TPGS2: variants seen among roughly 807,000 people sequenced by gnomAD.
The protein encoded by TPGS2 is polyglutamylase subunit 2.
Under a neutral mutation model 31.1 loss-of-function variants are expected in TPGS2, and 26 were observed. That is an observed-to-expected ratio of 0.84 (90% CI 0.61 to 1.16). The LOEUF (loss-of-function observed/expected upper bound fraction) is 1.16. Ranked by LOEUF, TPGS2 falls within the 50% of genes most tolerant of loss-of-function variation. TPGS2 has a pLI of 0.00. For synonymous variants in TPGS2, 130 were observed against 136.6 expected (o/e 0.95, Z 0.34); for missense variants, 351 against 363.8 (o/e 0.96, Z 0.29).
At chr18:36,820,112 G>T (rs2045831707) in intron 1 of TPGS2, among the ~76,000 whole-genome samples, 1 of 152,134 alleles carries the variant, frequency 6.6e-6, no homozygotes, top group East Asian at 1.9e-4. Context: ...CTCAAATCTT[G>T]GGATGCAGCA....
At chr18:36,805,642 G>C (rs1721490885) in intron 3 of TPGS2, 140 bp from the exon 4 acceptor site, 1 of 1,215,248 alleles carries the variant, frequency 8.2e-7, no homozygotes, top group South Asian at 1.4e-5. Flanking sequence ...GTGGGAAGAA[G>C]AGGATTACTC....
downstream of TPGS2, among the ~76,000 whole-genome samples, chr18:36,790,313 C>G (rs1021654862): frequency 6.6e-6 from 1 of 152,212 alleles, no homozygotes; most frequent in Non-Finnish European, 1.5e-5. Context: ...TTCACTACTG[C>G]TCTTCACCCT....
chr18:36,827,029 G>A (rs1222868711), intron 1 of TPGS2, among the ~76,000 whole-genome samples: 1 of 151,784 alleles, frequency 6.6e-6, no homozygotes, highest in Non-Finnish European at 1.5e-5. Context: ...TATATTAATT[G>A]ATTTTTTTTA....
chr18:36,821,284 G>C (rs1458055820), intron 1 of TPGS2, among the ~76,000 whole-genome samples: 1 of 152,126 alleles, frequency 6.6e-6, no homozygotes, highest in Admixed American at 6.5e-5. Context: ...AAGTACTGAG[G>C]GGGGCAGACA....
intron 2 of TPGS2, 140 bp downstream of exon 2, chr18:36,818,753 AG>A (rs2045769044): frequency 2.7e-6 from 2 of 730,932 alleles, no homozygotes; most frequent in African/African-American, 3.5e-5. Flanking sequence ...TGGGCTGAAC[AG>A]GAACATAGAA....
chr18:36,802,682 C>A (rs540084981), intron 4 of TPGS2, among the ~76,000 whole-genome samples: 15 of 152,210 alleles, frequency 9.9e-5, no homozygotes, highest in Admixed American at 7.8e-4. Flanking sequence ...GGCCGGAGTG[C>A]AGTGGCATGA....
intron 2 of TPGS2, among the ~76,000 whole-genome samples, chr18:36,808,149 G>GTA (rs1183689562): frequency 6.6e-6 from 1 of 152,060 alleles, no homozygotes; most frequent in Admixed American, 6.6e-5. Context: ...TGCAAACCAG[G>GTA]TACCTGCTCT....
chr18:36,822,546 C>T (rs909347402), intron 1 of TPGS2, among the ~76,000 whole-genome samples: 6 of 152,092 alleles, frequency 3.9e-5, no homozygotes, highest in Admixed American at 6.5e-5. Flanking sequence ...TAGCAAATAA[C>T]GGTTTTGTGA....
chr18:36,814,740 T>G lies in TPGS2; in HGVS notation c.165+4154A>C, dbSNP rs2045580280. Among the ~76,000 whole-genome samples, 3 of 152,204 alleles carry G rather than the reference T, an allele frequency of 2.0e-5. No individual in the cohort carries two copies. The South Asian group carries it at 6.2e-4, about 31-fold the overall frequency. On this transcript the variant is annotated intron_variant, in intron 2 of 6. Coordinates refer to ENST00000334295, the MANE Select transcript of TPGS2 (RefSeq NM_015476.4). The stretch of plus-strand genomic sequence containing the variant: ...AGCTTCCCAGAGGAAGCTCTGGAAA[T>G]AGCTTCCACTTTATTCCGATGTTGC...
At chr18:36,808,416 G>C (rs942419088) in intron 2 of TPGS2, among the ~76,000 whole-genome samples, 1 of 152,042 alleles carries the variant, frequency 6.6e-6, no homozygotes, top group African/African-American at 2.4e-5. Flanking sequence ...AGGTGGGCGG[G>C]TCACGAGATC....
intron 1 of TPGS2, among the ~76,000 whole-genome samples, chr18:36,822,814 G>C (rs1273590648): frequency 6.6e-6 from 1 of 152,126 alleles, no homozygotes; most frequent in African/African-American, 2.4e-5. Context: ...GCCCAGGCTT[G>C]TCTTGAACTC....
At chr18:36,807,538 G>A (rs1013770037) in intron 3 of TPGS2, 6 of 359,216 alleles carry the variant, frequency 1.7e-5, no homozygotes, top group African/African-American at 1.1e-4. Flanking sequence ...AGCCCTCTGA[G>A]GCTTTAAGTT....
chr18:36,811,022 G>T (rs1600803000), intron 2 of TPGS2, among the ~76,000 whole-genome samples: 1 of 152,222 alleles, frequency 6.6e-6, no homozygotes, highest in East Asian at 1.9e-4. Flanking sequence ...CCAAAGGACA[G>T]AAATCAATGT....
chr18:36,790,262 G>C (rs1279886264), downstream of TPGS2: 1 of 152,174 alleles, frequency 6.6e-6, no homozygotes, highest in African/African-American at 2.4e-5. Flanking sequence ...AGTTCTTGTG[G>C]TGGTGGTATA....
intron 6 of TPGS2, among the ~76,000 whole-genome samples, chr18:36,783,976 C>T (rs181355079): frequency 3.3e-5 from 5 of 152,114 alleles, no homozygotes; most frequent in Admixed American, 1.3e-4. Context: ...CTAAAGGCAA[C>T]GTGAAGACAG....
Position 36,795,596 on chromosome 18 carries a change from A to G in TPGS2, c.*1209T>C, listed in dbSNP as rs976411252. On this transcript the variant is annotated 3_prime_UTR_variant, in exon 7 of 7. Coordinates refer to ENST00000334295, the MANE Select transcript of TPGS2 (RefSeq NM_015476.4). ...ATAGGCATTCCTAATTGAAAATCTG[A>G]GCAACCTTCTCTGTAAAAATTTCAT... 3.0e-6 allele frequency: 3 copies of G among 985,350 alleles called. No individual in the cohort carries two copies. The highest frequency in any genetic ancestry group is 1.7e-5 in the African/African-American group (1 of 57,250). 61.0% of individuals were successfully genotyped at this position (985,350 alleles called of 1,614,324 possible). A position where few individuals can be genotyped will look rare whatever the true frequency, so the allele number is the denominator to read the frequency against.
chr18:36,823,340 C>CTTT (rs966459613), intron 1 of TPGS2, among the ~76,000 whole-genome samples: 4 of 152,158 alleles, frequency 2.6e-5, no homozygotes, highest in African/African-American at 9.7e-5. Flanking sequence ...TGGGGCCACT[C>CTTT]TCGGCTTGCA....
chr18:36,811,103 C>A (rs977257452), intron 2 of TPGS2, among the ~76,000 whole-genome samples: 4 of 152,116 alleles, frequency 2.6e-5, no homozygotes, highest in African/African-American at 9.7e-5. Context: ...TGAAGAGCTG[C>A]CCAGGACGTC....
chr18:36,798,775 C>T (rs181217067), intron 5 of TPGS2, among the ~76,000 whole-genome samples, 166 bp from the exon 6 acceptor site: 1 of 152,276 alleles, frequency 6.6e-6, no homozygotes, highest in African/African-American at 2.4e-5. Context: ...CCTCCAGTCT[C>T]CTTCTCTAGT....
Sources: gnomAD v4.1 joint callset for allele counts (sites outside exome capture counted in the v4.1 genomes callset) on GRCh38, gnomAD v4.1.1 for gene constraint, MANE v1.5 for transcripts, NCBI Gene and HGNC (gene_info 2026-07-23, HGNC 2026-07-21) for gene names.